Variants in FMO2 observed in about 807,000 individuals in gnomAD.
FMO2 encodes flavin containing dimethylaniline monoxygenase 2, also known as flavin-containing monooxygenase 2.
In FMO2, 33 loss-of-function variants were observed where a neutral mutation model predicts 41.6. That is an observed-to-expected ratio of 0.79 (90% CI 0.60 to 1.06). The LOEUF is 1.06. Among genes scored for constraint, FMO2 ranks in the 50% least tolerant of loss-of-function variants. FMO2 has a pLI of 0.00. For synonymous variants in FMO2, 214 were observed against 219.6 expected (o/e 0.97, Z 0.23); for missense variants, 619 against 632.9 (o/e 0.98, Z 0.23).
At chr1:171,187,808 A>T (rs1657916180) in intron 2 of FMO2, among the ~76,000 whole-genome samples, 1 of 152,068 alleles carries the variant, frequency 6.6e-6, no homozygotes, top group East Asian at 1.9e-4. Context: ...CTATCTAAAC[A>T]CACTCAGAGT....
At chr1:171,203,496 T>C (rs905429400) in intron 5 of FMO2, among the ~76,000 whole-genome samples, 2 of 152,182 alleles carry the variant, frequency 1.3e-5, no homozygotes. Flanking sequence ...ATAATCATTC[T>C]ACCTGCACTA....
Position 171,209,100 on chromosome 1 carries a change from T to C in FMO2, c.1563T>C (p.Leu521=), listed in dbSNP as rs1351418166. 8 of 862,404 alleles carry C rather than the reference T, an allele frequency of 9.3e-6. No homozygotes were observed. Among genetic ancestry groups the C allele is most frequent in the Non-Finnish European group, 1.4e-5 (8 of 564,008 alleles). 53.4% of individuals were successfully genotyped at this position (862,404 alleles called of 1,614,324 possible). The change falls in exon 9 of 9, where the codon CTT becomes CTC. Residue 521 remains leucine, a synonymous_variant. Transcript: ENST00000209929. ...CTTTTCTGTTGAAAATCCTGGGCCT[T>C]CTTGCTGTTGTTGTGGCCTTTTTTT... ...SVSFLLKILG[L]LAVVVAFFCQ... is the part of the protein sequence containing the mutation.
rs1658162390 is a variant in FMO2 at position 171,193,339 on chromosome 1, A to G, written c.137A>G (p.Asn46Ser). 1 of 1,595,634 alleles carries G rather than the reference A, an allele frequency of 6.3e-7. No individual in the cohort carries two copies. Among genetic ancestry groups the G allele is most frequent in the Admixed American group, 1.8e-5 (1 of 56,220 alleles). Residue 46 changes from asparagine to serine, a missense_variant, in exon 3 of 9, where the codon AAT becomes AGT. Asn to Ser is a conservative substitution (Grantham distance 46). Coordinates refer to ENST00000209929, the MANE Select transcript of FMO2 (RefSeq NM_001460.5). ...DIGGVWRFKE[N>S]VEDGRASIYQ... ...TTATTTTATTTGATCCTTCAGGAGAATGTGGAAGATGGCCGAGCAAGTATC... is the reference window on the plus strand; with the variant it reads ...TTATTTTATTTGATCCTTCAGGAGAGTGTGGAAGATGGCCGAGCAAGTATC...
In FMO2 at chr1:171,204,055, C is replaced by T; in HGVS notation, c.818C>T (p.Pro273Leu). Reference sequence around the variant, plus strand: ...AACCATGAAAATTATGGCCTTGAGCCTCAAAACAAGTAGAGTTATTTTGCT... The same window carrying T: ...AACCATGAAAATTATGGCCTTGAGCTTCAAAACAAGTAGAGTTATTTTGCT... ...WFNHENYGLE[P>L]QNKYIMKEPV... The change falls in exon 6 of 9, where the codon CCT becomes CTT. Residue 273 changes from proline (P) to leucine (L), a missense_variant. Physicochemically the swap from Pro to Leu is moderately conservative, Grantham distance 98 (BLOSUM62 -3). Transcript: ENST00000209929. The T allele has an allele frequency of 6.2e-7, 1 of 1,613,158 alleles. No homozygotes were observed. Among genetic ancestry groups the T allele is most frequent in the Non-Finnish European group, 8.5e-7 (1 of 1,179,340 alleles).
intron 2 of FMO2, 64 bp from the exon 3 acceptor site, chr1:171,193,271 A>G (rs776391510): frequency 4.7e-5 from 51 of 1,086,348 alleles, no homozygotes; most frequent in Non-Finnish European, 6.7e-5. Flanking sequence ...AGATGTAGGA[A>G]GAGTAAAAAA....
chr1:171,200,224 T>A (rs1458931582), intron 5 of FMO2, among the ~76,000 whole-genome samples: 2 of 152,226 alleles, frequency 1.3e-5, no homozygotes, highest in Admixed American at 1.3e-4. Context: ...TGAGGCCTTC[T>A]AACCACTGTC....
In FMO2 at chr1:171,209,216, G is replaced by GA. The variant is rs1398517450; in HGVS notation, c.*77dup. On this transcript the variant is annotated 3_prime_UTR_variant, in exon 9 of 9. Coordinates refer to ENST00000209929, the MANE Select transcript of FMO2 (RefSeq NM_001460.5). ...CTAAAGAAAAAAAAAAAGGCTAGAA[G>GA]AAAAAACATTACATTCATGTTCTAA... The GA allele has an allele frequency of 2.4e-6, 1 of 420,020 alleles. No homozygotes were observed. The highest frequency in any genetic ancestry group is 2.1e-5 in the African/African-American group (1 of 48,570). The allele number at this position is 420,020 out of a possible 1,614,324, so 26.0% of individuals were successfully genotyped here. A position where few individuals can be genotyped will look rare whatever the true frequency, so the allele number is the denominator to read the frequency against.
At chr1:171,196,190 G>T (rs190924882) in intron 3 of FMO2, among the ~76,000 whole-genome samples, 10 of 152,232 alleles carry the variant, frequency 6.6e-5, no homozygotes, top group East Asian at 1.9e-4. Context: ...GGAAGACAAA[G>T]GTTTTTAAAT....
At position 171,185,743 on chromosome 1, in the gene FMO2, T is replaced by C; in HGVS notation, c.30T>C (p.Ala10=). Residue 10 remains alanine (A), a synonymous_variant, in exon 2 of 9, where the codon GCT becomes GCC. Coordinates refer to ENST00000209929, the MANE Select transcript of FMO2 (RefSeq NM_001460.5). The stretch of plus-strand genomic sequence containing the variant: ...CAAAGAAGGTAGCTGTGATTGGAGC[T>C]GGGGTCAGTGGCCTAATTTCTCTGA... MAKKVAVIG[A]GVSGLISLKC... 2 of 1,613,898 alleles carry C rather than the reference T, an allele frequency of 1.2e-6. No individual in the cohort carries two copies. The highest frequency in any genetic ancestry group is 1.7e-6 in the Non-Finnish European group (2 of 1,179,812).
Position 171,210,545 on chromosome 1 carries a change from AC to A in FMO2, c.*1401del, listed in dbSNP as rs1357504701. 6.6e-6 allele frequency: 1 copy of A among 152,258 alleles called. No homozygotes were observed. Among genetic ancestry groups the A allele is most frequent in the Non-Finnish European group, 1.5e-5 (1 of 68,038 alleles). 9.4% of individuals were successfully genotyped at this position (152,258 alleles called of 1,614,324 possible). On this transcript the variant is annotated 3_prime_UTR_variant, in exon 9 of 9. Coordinates refer to ENST00000209929, the MANE Select transcript of FMO2 (RefSeq NM_001460.5). ...TAATAGACAAACATCTCCTAAGGGA[AC>A]ATTTGTTACAGCTGCTCCTTCCCTG...
At chr1:171,206,623 G>T (rs1658767157) in intron 7 of FMO2, among the ~76,000 whole-genome samples, 1 of 152,126 alleles carries the variant, frequency 6.6e-6, no homozygotes, top group African/African-American at 2.4e-5. Context: ...AGTAAGACTG[G>T]CCAAGGGACC....
intron 2 of FMO2, 73 bp from the exon 3 acceptor site, chr1:171,193,262 G>A: frequency 1.1e-6 from 1 of 925,850 alleles, no homozygotes; most frequent in Admixed American, 2.1e-5. Context: ...CCAGGGGTTA[G>A]ATGTAGGAAG....
rs1658794544 is a variant in FMO2 at position 171,207,211 on chromosome 1, A to T, written c.1184-507A>T. Reference sequence around the variant, plus strand: ...ATGAGCACACAGTAATAACTTCTGCATCAATCTTTCCCTATCTCTACTGCC... The same window carrying T: ...ATGAGCACACAGTAATAACTTCTGCTTCAATCTTTCCCTATCTCTACTGCC... On this transcript the variant is annotated intron_variant, in intron 7 of 8. Transcript: ENST00000209929. Among the ~76,000 whole-genome samples, 4 of 152,266 alleles carry T rather than the reference A, an allele frequency of 2.6e-5. No individual in the cohort carries two copies. In the South Asian group the frequency reaches 8.3e-4, roughly 32 times the overall value.
intron 7 of FMO2, among the ~76,000 whole-genome samples, chr1:171,207,134 T>C (rs943735741): frequency 6.6e-6 from 1 of 152,118 alleles, no homozygotes; most frequent in East Asian, 1.9e-4. Flanking sequence ...GACTTGACCA[T>C]ATTTCAACAC....
At chr1:171,189,025 G>T (rs1444251111) in intron 2 of FMO2, 1 of 152,128 alleles carries the variant, frequency 6.6e-6, no homozygotes, top group Non-Finnish European at 1.5e-5. Context: ...TTCAGATAAA[G>T]AATTTGCTCA....
Position 171,193,415 on chromosome 1 carries a change from C to CGAT in FMO2, c.213_214insGAT (p.Asp71dup). The CGAT allele has an allele frequency of 6.2e-7, 1 of 1,611,792 alleles. No individual in the cohort carries two copies. On this transcript the variant is annotated inframe_insertion, in exon 3 of 9. Transcript: ENST00000209929. ...GCAAAGAAATGTCCTGTTTCAGTGA[C>CGAT]TTTCCAATGCCTGAAGATTTTCCAA... is the stretch of plus-strand genomic sequence containing the variant.
chr1:171,193,927 A>G (rs1449919988), intron 3 of FMO2, among the ~76,000 whole-genome samples: 1 of 152,044 alleles, frequency 6.6e-6, no homozygotes, highest in Non-Finnish European at 1.5e-5. Flanking sequence ...TTACAGGCAC[A>G]CATCACCATG....
Position 171,205,443 on chromosome 1 carries a change from A to G in FMO2, c.992A>G (p.Tyr331Cys). The G allele has an allele frequency of 6.2e-7, 1 of 1,613,898 alleles. No homozygotes were observed. ...NIDVIIFATG[Y>C]SFSFPFLEDS... ...GATGTCATCATTTTTGCAACAGGAT[A>G]TAGTTTCTCTTTTCCCTTCCTTGAA... Residue 331 changes from tyrosine (Y) to cysteine (C), a missense_variant, in exon 7 of 9, where the codon TAT (tyrosine) becomes TGT (cysteine). By Grantham distance (194) the Tyr-to-Cys change is radical. Coordinates refer to ENST00000209929, the MANE Select transcript of FMO2 (RefSeq NM_001460.5).
At chr1:171,188,050 T>TG (rs1657928898) in intron 2 of FMO2, among the ~76,000 whole-genome samples, 1 of 149,284 alleles carries the variant, frequency 6.7e-6, no homozygotes, top group Non-Finnish European at 1.5e-5. Flanking sequence ...TTTTTTTTTT[T>TG]TTTTGCTCCC....
Sources: allele counts gnomAD v4.1 joint callset (sites outside exome capture counted in the v4.1 genomes callset), GRCh38; gene constraint gnomAD v4.1.1; transcripts MANE v1.5; gene names NCBI Gene and HGNC (gene_info 2026-07-23, HGNC 2026-07-21).